Variants in GPT2 observed in about 807,000 individuals in gnomAD.
GPT2 encodes the protein glutamic--pyruvic transaminase 2, also known as alanine aminotransferase 2.
A neutral mutation model predicts 56.9 loss-of-function variants in GPT2; 30 were observed. The observed-to-expected ratio is 0.53, with a 90% CI of 0.39 to 0.72. The LOEUF (loss-of-function observed/expected upper bound fraction) is 0.72, where lower values mean the gene tolerates loss of function less well. Ranked by LOEUF, GPT2 falls within the 30% of genes least tolerant of loss-of-function variation. The pLI is 0.00. For missense variants in GPT2, 542 were observed against 703.4 expected, an observed-to-expected ratio of 0.77 and a Z score of 2.60; for synonymous variants, 271 against 283.1, an observed-to-expected ratio of 0.96 and a Z score of 0.43.
chr16:46,922,012 T>G (rs534913044), intron 8 of GPT2, among the ~76,000 whole-genome samples: 1 of 152,276 alleles, frequency 6.6e-6, no homozygotes, highest in East Asian at 1.9e-4. Context: ...TGAGCTATGA[T>G]CATGCCACTG....
intron 2 of GPT2, 28 bp downstream of exon 2, chr16:46,884,986 C>T: frequency 1.4e-6 from 2 of 1,445,826 alleles, no homozygotes; most frequent in South Asian, 1.4e-5. Context: ...CCCGGGGAGG[C>T]TGGGGCCGCT....
At chr16:46,910,804 T>A (rs1439530134) in intron 6 of GPT2, among the ~76,000 whole-genome samples, 1 of 152,142 alleles carries the variant, frequency 6.6e-6, no homozygotes, top group Non-Finnish European at 1.5e-5. Context: ...TCTTGCTGTG[T>A]GTCCCAGGCT....
Position 46,911,522 on chromosome 16 carries a change from A to G in GPT2, c.820+1595A>G, listed in dbSNP as rs144591663. Among the ~76,000 whole-genome samples, 3 of 152,336 alleles carry G rather than the reference A, an allele frequency of 2.0e-5. No individual in the cohort carries two copies. In the East Asian group the frequency reaches 5.8e-4, roughly 29 times the overall value. Reference sequence around the variant, plus strand: ...TAAAGATTCAGTAGGAAAATAACATAGAGCTGGCTTCTCAATCCTGGTTGT... The same window carrying G: ...TAAAGATTCAGTAGGAAAATAACATGGAGCTGGCTTCTCAATCCTGGTTGT... On this transcript the variant is annotated intron_variant, in intron 6 of 11. Transcript: ENST00000340124.
At chr16:46,906,269 A>G (rs2143452245) in intron 4 of GPT2, among the ~76,000 whole-genome samples, 1 of 152,086 alleles carries the variant, frequency 6.6e-6, no homozygotes, top group East Asian at 1.9e-4. Context: ...CTGAGGTTTC[A>G]CCACATTGAC....
At chr16:46,893,438 G>A (rs1244866753) in intron 2 of GPT2, among the ~76,000 whole-genome samples, 1 of 152,184 alleles carries the variant, frequency 6.6e-6, no homozygotes, top group East Asian at 1.9e-4. Context: ...ACCCTTTCCT[G>A]AATATTTTTG....
At chr16:46,902,008 G>A (rs1240278249) in intron 4 of GPT2, among the ~76,000 whole-genome samples, 1 of 152,232 alleles carries the variant, frequency 6.6e-6, no homozygotes, top group East Asian at 1.9e-4. Context: ...AAGACCCCGT[G>A]GCCATGGGCC....
intron 11 of GPT2, among the ~76,000 whole-genome samples, chr16:46,928,554 T>C (rs1596638654): frequency 1.4e-5 from 2 of 146,628 alleles, no homozygotes; most frequent in African/African-American, 5.1e-5. Flanking sequence ...ACCTGGGAGG[T>C]GGAGGTTGCA....
intron 2 of GPT2, among the ~76,000 whole-genome samples, chr16:46,894,747 G>C (rs561888431): frequency 1.3e-4 from 20 of 151,970 alleles, no homozygotes; most frequent in African/African-American, 3.6e-4. Flanking sequence ...CTCACTGCAA[G>C]CTCCGCCTCC....
intron 2 of GPT2, among the ~76,000 whole-genome samples, chr16:46,891,688 T>C (rs746860122): frequency 4.6e-5 from 7 of 152,238 alleles, no homozygotes; most frequent in South Asian, 2.1e-4. Context: ...GATATTTTGG[T>C]ACAGGCATGT....
intron 2 of GPT2, among the ~76,000 whole-genome samples, chr16:46,891,170 G>A (rs1960577246): frequency 6.6e-6 from 1 of 152,102 alleles, no homozygotes; most frequent in Non-Finnish European, 1.5e-5. Context: ...ACTGTGCATG[G>A]CCGAAAAATA....
At chr16:46,927,641 T>A (rs1232870534) in intron 11 of GPT2, among the ~76,000 whole-genome samples, 1 of 152,200 alleles carries the variant, frequency 6.6e-6, no homozygotes, top group African/African-American at 2.4e-5. Context: ...CTCAGAGGTC[T>A]CCTGCGGCAG....
At chr16:46,906,767 T>A (rs1960938567) in intron 4 of GPT2, 75 bp from the exon 5 acceptor site, 2 of 1,565,720 alleles carry the variant, frequency 1.3e-6, no homozygotes, top group African/African-American at 2.7e-5. Context: ...CCTCTAATTA[T>A]ATGGATGTTA....
At chr16:46,915,948 T>A (rs1157943151) in intron 6 of GPT2, 1 of 148,254 alleles carries the variant, frequency 6.7e-6, no homozygotes, top group Non-Finnish European at 1.5e-5. Context: ...CATCCCACCA[T>A]GCCAACACAC....
rs765020631 is a variant in GPT2 at position 46,884,753 on chromosome 16, G to C, written c.38G>C (p.Gly13Ala). Residue 13 changes from glycine to alanine, a missense_variant, in exon 2 of 12, where the codon GGT becomes GCT. By Grantham distance (60) the Gly-to-Ala change is moderately conservative. Transcript: ENST00000340124. ...RAAALVRRGC[G>A]PRTPSSWGRS... ...GCGGCGCTGGTCCGGCGGGGCTGTG[G>C]TCCCCGGACCCCCAGCTCCTGGGGC... is the stretch of plus-strand genomic sequence containing the variant. The C allele has an allele frequency of 7.0e-7, 1 of 1,433,324 alleles. No individual in the cohort carries two copies. Among genetic ancestry groups the C allele is most frequent in the Non-Finnish European group, 9.2e-7 (1 of 1,092,386 alleles). 88.8% of individuals were successfully genotyped at this position (1,433,324 alleles called of 1,614,324 possible).
intron 4 of GPT2, among the ~76,000 whole-genome samples, chr16:46,905,194 T>A (rs2143445437): frequency 6.6e-6 from 1 of 152,216 alleles, no homozygotes; most frequent in Middle Eastern, 3.4e-3. Flanking sequence ...GTAGCTGGGA[T>A]TACAGGCACC....
At position 46,906,898 on chromosome 16, in the gene GPT2, A is replaced by G. The variant is rs559249862; in HGVS notation, c.499A>G (p.Ile167Val). Residue 167 changes from isoleucine (I) to valine (V), a missense_variant, in exon 5 of 12, where the codon ATC (isoleucine) becomes GTC (valine). Transcript: ENST00000340124. The stretch of plus-strand genomic sequence containing the variant: ...CATCCGTGAAGATGTGGCTGCCTAC[A>G]TCACCAGGAGGGATGGCGGTGTGCC... ...NCIREDVAAY[I>V]TRRDGGVPAD... 1.8e-5 allele frequency: 29 copies of G among 1,614,240 alleles called. No individual in the cohort carries two copies. Among genetic ancestry groups the G allele is most frequent in the South Asian group, 3.3e-5 (3 of 91,090 alleles).
chr16:46,888,740 C>G (rs906397282), intron 2 of GPT2, among the ~76,000 whole-genome samples: 5 of 152,236 alleles, frequency 3.3e-5, no homozygotes, highest in Admixed American at 2.0e-4. Flanking sequence ...GCCTTGAACT[C>G]CTGGGCTCAA....
rs1246807388 is a variant in GPT2 at position 46,929,225 on chromosome 16, A to T, written c.*228A>T. The T allele has an allele frequency of 5.6e-6, 3 of 537,564 alleles. No homozygotes were observed. The highest frequency in any genetic ancestry group is 1.0e-5 in the Non-Finnish European group (3 of 298,078). The allele number at this position is 537,564 out of a possible 1,614,324, so 33.3% of individuals were successfully genotyped here. On this transcript the variant is annotated 3_prime_UTR_variant, in exon 12 of 12. Transcript: ENST00000340124. ...CAACCAGAGTAGAGGGGACCTGCTC[A>T]GCAGGTGTGACCAGGGTTCTCTGAA...
At position 46,884,883 on chromosome 16, in the gene GPT2, G is replaced by T; in HGVS notation, c.168G>T (p.Gln56His). Residue 56 changes from glutamine to histidine, a missense_variant, in exon 2 of 12, where the codon CAG becomes CAT. Physicochemically the swap from Gln to His is conservative, Grantham distance 24. Transcript: ENST00000340124. ...TCACGCTGGAGTCCATGAACCCGCA[G>T]GTGAAGGCGGTGGAGTACGCCGTGC... ...RILTLESMNP[Q>H]VKAVEYAVRG... 1 of 1,544,830 alleles carries T rather than the reference G, an allele frequency of 6.5e-7. No individual in the cohort carries two copies.
Sources: gnomAD v4.1 joint callset for allele counts (sites outside exome capture counted in the v4.1 genomes callset) on GRCh38, gnomAD v4.1.1 for gene constraint, MANE v1.5 for transcripts, NCBI Gene and HGNC (gene_info 2026-07-23, HGNC 2026-07-21) for gene names.